QSER1: variants seen among roughly 807,000 people sequenced by gnomAD.
QSER1 encodes the protein glutamine and serine-rich protein 1.
QSER1 carries 49 observed loss-of-function variants against 158.5 expected under a neutral mutation model. The observed-to-expected ratio is 0.31, with a 90% CI of 0.25 to 0.39. The LOEUF (loss-of-function observed/expected upper bound fraction) is 0.39. Among genes scored for constraint, QSER1 ranks in the 10% least tolerant of loss-of-function variants. The pLI is 1.00. For synonymous variants in QSER1, 650 were observed against 715.5 expected (o/e 0.91, Z 1.46); for missense variants, 1,754 against 2,010.3 (o/e 0.87, Z 2.44).
At chr11:32,940,213 A>G (rs954273255) in intron 4 of QSER1, among the ~76,000 whole-genome samples, 1 of 152,136 alleles carries the variant, frequency 6.6e-6, no homozygotes, top group South Asian at 2.1e-4. Context: ...GGAAACAAAA[A>G]AGAGAAAAAA....
chr11:32,958,177 A>G (rs1852557922), intron 8 of QSER1, 91 bp downstream of exon 8: 3 of 1,032,654 alleles, frequency 2.9e-6, no homozygotes, highest in African/African-American at 1.6e-5. Flanking sequence ...AAATGTATTT[A>G]CTTTTCAGGG....
chr11:32,906,612 C>G (rs1015595022), intron 1 of QSER1, among the ~76,000 whole-genome samples: 20 of 151,818 alleles, frequency 1.3e-4, no homozygotes, highest in African/African-American at 4.8e-4. Context: ...TGGGGTCTTG[C>G]TATTTTCTCA....
intron 1 of QSER1, among the ~76,000 whole-genome samples, chr11:32,923,627 G>A (rs183556816): frequency 6.8e-6 from 1 of 147,700 alleles, no homozygotes; most frequent in East Asian, 2.1e-4. Context: ...GTGGTGAGCC[G>A]AGATCACACC....
intron 8 of QSER1, among the ~76,000 whole-genome samples, chr11:32,965,944 A>AACACACACACACACATAC (rs1852735643): frequency 8.1e-6 from 1 of 123,520 alleles, no homozygotes; most frequent in East Asian, 2.8e-4. Flanking sequence ...TCTGTCTCAA[A>AACACACACACACACATAC]ACACACACAC....
At chr11:32,900,457 G>A (rs1010166981) in intron 1 of QSER1, among the ~76,000 whole-genome samples, 1 of 152,110 alleles carries the variant, frequency 6.6e-6, no homozygotes, top group Non-Finnish European at 1.5e-5. Context: ...TACTCGGGAG[G>A]CTGAGGCAGG....
intron 1 of QSER1, among the ~76,000 whole-genome samples, chr11:32,913,488 C>T (rs536319705): frequency 6.6e-6 from 1 of 151,934 alleles, no homozygotes; most frequent in African/African-American, 2.4e-5. Flanking sequence ...CTACCGCACC[C>T]GGTCTTTCCT....
At chr11:32,969,510 A>G (rs1248337832) in intron 10 of QSER1, among the ~76,000 whole-genome samples, 2 of 152,114 alleles carry the variant, frequency 1.3e-5, no homozygotes, top group African/African-American at 4.8e-5. Context: ...GGAAACGCTG[A>G]TTTTTATAAG....
intron 3 of QSER1, 119 bp downstream of exon 3, chr11:32,928,242 T>G (rs1362912672): frequency 6.1e-6 from 4 of 655,746 alleles, no homozygotes; most frequent in Non-Finnish European, 2.6e-6. Flanking sequence ...CCACTGAACT[T>G]TAAGACCTGG....
intron 8 of QSER1, among the ~76,000 whole-genome samples, chr11:32,965,489 A>G (rs182681522): frequency 1.3e-5 from 2 of 152,328 alleles, no homozygotes. Flanking sequence ...AAGGAAATCT[A>G]TGTATTACTC....
At chr11:32,964,650 G>A (rs1852691813) in intron 8 of QSER1, among the ~76,000 whole-genome samples, 2 of 147,510 alleles carry the variant, frequency 1.4e-5, no homozygotes, top group African/African-American at 5.0e-5. Context: ...GATCACTTGA[G>A]GCTGAGAGTT....
intron 10 of QSER1, among the ~76,000 whole-genome samples, chr11:32,970,714 G>T (rs530135742): frequency 6.6e-6 from 1 of 152,158 alleles, no homozygotes; most frequent in East Asian, 1.9e-4. Flanking sequence ...CCCTAGCCCA[G>T]TGTTTTCTGC....
At chr11:32,935,681 T>C (rs1021381339) in intron 4 of QSER1, among the ~76,000 whole-genome samples, 1 of 152,250 alleles carries the variant, frequency 6.6e-6, no homozygotes, top group Non-Finnish European at 1.5e-5. Flanking sequence ...CTGTACAGTA[T>C]GCCATCTAAT....
chr11:32,954,812 T>C (rs980824722), intron 5 of QSER1, among the ~76,000 whole-genome samples: 1 of 152,212 alleles, frequency 6.6e-6, no homozygotes, highest in Non-Finnish European at 1.5e-5. Flanking sequence ...GTAATCCTCA[T>C]GCAGTGGCAT....
At position 32,923,539 on chromosome 11, in the gene QSER1, G is replaced by A. The variant is rs560068353; in HGVS notation, c.210-3618G>A. Among the ~76,000 whole-genome samples, 12 of 152,072 alleles carry A rather than the reference G, an allele frequency of 7.9e-5. No individual in the cohort carries two copies. The South Asian group carries it at 1.2e-3, about 16-fold the overall frequency. ...AAATACAAAAAAAAATTAGCCTGGC[G>A]CAGTGGTGCACGCCTGTAATCCCAG... On this transcript the variant is annotated intron_variant, in intron 1 of 12. Transcript: ENST00000650167.
At chr11:32,969,676 C>T (rs917840720) in intron 10 of QSER1, among the ~76,000 whole-genome samples, 35 of 144,386 alleles carry the variant, frequency 2.4e-4, no homozygotes, top group African/African-American at 7.3e-4. Flanking sequence ...AGCTTTTTTT[C>T]TTTTCTTTTC....
intron 4 of QSER1, among the ~76,000 whole-genome samples, chr11:32,951,611 T>C (rs1852423715): frequency 6.6e-6 from 1 of 152,154 alleles, no homozygotes; most frequent in African/African-American, 2.4e-5. Context: ...CTTTGAACAG[T>C]GTTTTTATAG....
At position 32,934,456 on chromosome 11, in the gene QSER1, G is replaced by T. The variant is rs1394736492; in HGVS notation, c.3198G>T (p.Gln1066His). ...TVNLSPVPALQSKMTLDQQHI... is the reference protein window; with the variant it reads ...TVNLSPVPALHSKMTLDQQHI... Reference sequence around the variant, plus strand: ...ACCTTTCACCAGTACCTGCCCTTCAGTCAAAAATGACTCTTGATCAACAGC... The same window carrying T: ...ACCTTTCACCAGTACCTGCCCTTCATTCAAAAATGACTCTTGATCAACAGC... Residue 1066 changes from glutamine (Q) to histidine (H), a missense_variant, in exon 4 of 13, where the codon CAG (glutamine) becomes CAT (histidine). Gln to His is a conservative substitution (Grantham distance 24). Around this residue, in one of 2 missense-constraint regions of QSER1, gnomAD observed 1,707 missense variants for 1,919.6 expected, o/e 0.89. Coordinates refer to ENST00000650167, the MANE Select transcript of QSER1 (RefSeq NM_001076786.3). 1.9e-6 allele frequency: 3 copies of T among 1,613,744 alleles called. No homozygotes were observed. Among genetic ancestry groups the T allele is most frequent in the Middle Eastern group, 1.7e-4 (1 of 6,058 alleles).
intron 4 of QSER1, among the ~76,000 whole-genome samples, chr11:32,944,223 G>A (rs1295563606): frequency 2.7e-5 from 4 of 149,790 alleles, no homozygotes; most frequent in African/African-American, 9.8e-5. Context: ...GGTTTTTTGT[G>A]TCTCTATTTC....
chr11:32,940,917 C>T (rs1852221109), intron 4 of QSER1, among the ~76,000 whole-genome samples: 1 of 151,498 alleles, frequency 6.6e-6, no homozygotes, highest in East Asian at 1.9e-4. Context: ...TTCTTAATGT[C>T]TGGTTTTATC....
Sources: allele counts gnomAD v4.1 joint callset (sites outside exome capture counted in the v4.1 genomes callset), GRCh38; gene constraint gnomAD v4.1.1; regional missense constraint gnomAD v4.1.1; transcripts MANE v1.5; gene names NCBI Gene and HGNC (gene_info 2026-07-23, HGNC 2026-07-21).